KCNB2: variants seen among roughly 807,000 people sequenced by gnomAD.
KCNB2 encodes delayed rectifier potassium channel protein.
In KCNB2, 15 loss-of-function variants were observed where a neutral mutation model predicts 61.5. That is an observed-to-expected ratio of 0.24 (90% CI 0.16 to 0.38). The LOEUF is 0.38. Ranked by LOEUF, KCNB2 falls within the 10% of genes least tolerant of loss-of-function variation. The pLI, the probability that KCNB2 is intolerant of heterozygous loss-of-function variation, is 1.00. For synonymous variants in KCNB2, 457 were observed against 446.0 expected (o/e 1.02, Z -0.31); for missense variants, 828 against 1,125.2 (o/e 0.74, Z 3.78).
intron 2 of KCNB2, among the ~76,000 whole-genome samples, chr8:72,905,334 A>G (rs886745637): frequency 1.6e-4 from 25 of 152,186 alleles, no homozygotes; most frequent in African/African-American, 5.8e-4. Context: ...CCCAGTTCCC[A>G]GAATTCCACA....
chr8:72,558,218 T>C (rs1449818318), intron 1 of KCNB2, among the ~76,000 whole-genome samples: 2 of 152,236 alleles, frequency 1.3e-5, no homozygotes, highest in Non-Finnish European at 2.9e-5. Flanking sequence ...CTGTTGTTGC[T>C]TTTATTAGAA....
At chr8:72,930,208 A>C (rs987774488) in intron 2 of KCNB2, among the ~76,000 whole-genome samples, 1 of 151,736 alleles carries the variant, frequency 6.6e-6, no homozygotes, top group Non-Finnish European at 1.5e-5. Context: ...ATTGTTGGAC[A>C]TTTGGGTTGG....
intron 2 of KCNB2, among the ~76,000 whole-genome samples, chr8:72,716,918 T>G (rs551947066): frequency 5.3e-5 from 8 of 150,476 alleles, no homozygotes; most frequent in Admixed American, 4.7e-4. Flanking sequence ...AAAACCCCAT[T>G]GTCTCAGCCC....
chr8:72,831,687 C>T (rs1360319976), intron 2 of KCNB2, among the ~76,000 whole-genome samples: 1 of 152,136 alleles, frequency 6.6e-6, no homozygotes, highest in Non-Finnish European at 1.5e-5. Context: ...TTATGCTTTC[C>T]CAAGTTGTTG....
chr8:72,692,176 C>T (rs2128990193), intron 2 of KCNB2, among the ~76,000 whole-genome samples: 1 of 138,606 alleles, frequency 7.2e-6, no homozygotes, highest in African/African-American at 2.8e-5. Context: ...GCAGAGCTTG[C>T]AGTGAGCCGA....
rs1192277918 is a variant in KCNB2, at chr8:72,868,071, AT to A, written c.580-67861del. On this transcript the variant is annotated intron_variant, in intron 2 of 2. Coordinates refer to ENST00000523207, the MANE Select transcript of KCNB2 (RefSeq NM_004770.3). ...TTGATTTTGGGTTTTTTTTTTTATT[AT>A]TTATTTTTTTTTTTTTAGAGACAGG... Among the ~76,000 whole-genome samples, 807 of 141,712 alleles carry A rather than the reference AT, an allele frequency of 5.7e-3. 9 individuals carry two copies. Among genetic ancestry groups the A allele is most frequent in the African/African-American group, 0.021 (758 of 36,868 alleles). The allele number at this position is 141,712 out of a possible 152,430, so 93.0% of individuals were successfully genotyped here.
chr8:72,743,418 A>G (rs1171926182), intron 2 of KCNB2, among the ~76,000 whole-genome samples: 1 of 152,172 alleles, frequency 6.6e-6, no homozygotes. Flanking sequence ...GTGTGTTGCA[A>G]AAGACTGCGT....
intron 2 of KCNB2, among the ~76,000 whole-genome samples, chr8:72,804,113 TGG>T (rs1315576443): frequency 5.3e-5 from 8 of 152,078 alleles, no homozygotes; most frequent in Admixed American, 4.6e-4. Flanking sequence ...CCCAAGGCAG[TGG>T]GAAGCAATCA....
chr8:72,737,807 T>C (rs571860450), intron 2 of KCNB2, among the ~76,000 whole-genome samples: 1 of 152,290 alleles, frequency 6.6e-6, no homozygotes, highest in East Asian at 1.9e-4. Flanking sequence ...CAGTTCTTCA[T>C]GGTTACAGAG....
At chr8:72,828,410 G>A (rs981390340) in intron 2 of KCNB2, among the ~76,000 whole-genome samples, 1 of 152,038 alleles carries the variant, frequency 6.6e-6, no homozygotes, top group Admixed American at 6.5e-5. Flanking sequence ...TCATCATATG[G>A]CCCTAGCAGA....
intron 2 of KCNB2, among the ~76,000 whole-genome samples, chr8:72,579,733 G>A (rs536938807): frequency 1.3e-5 from 2 of 152,176 alleles, no homozygotes; most frequent in Admixed American, 6.5e-5. Flanking sequence ...GCTTTCACAA[G>A]GCTGTATTAG....
chr8:72,601,164 C>A (rs1805345516), intron 2 of KCNB2, among the ~76,000 whole-genome samples: 1 of 152,098 alleles, frequency 6.6e-6, no homozygotes, highest in Non-Finnish European at 1.5e-5. Flanking sequence ...TTAATATTCT[C>A]TTAATTAACC....
intron 2 of KCNB2, among the ~76,000 whole-genome samples, chr8:72,583,380 C>G (rs923993789): frequency 6.6e-6 from 1 of 152,012 alleles, no homozygotes; most frequent in Non-Finnish European, 1.5e-5. Context: ...AAAATTGTAT[C>G]CACTTGTTTA....
At chr8:72,646,813 G>C (rs542033959) in intron 2 of KCNB2, among the ~76,000 whole-genome samples, 1 of 152,264 alleles carries the variant, frequency 6.6e-6, no homozygotes, top group African/African-American at 2.4e-5. Context: ...AGTAGTGATG[G>C]TCACACAACA....
intron 2 of KCNB2, among the ~76,000 whole-genome samples, chr8:72,580,103 A>G (rs940540683): frequency 2.0e-5 from 3 of 152,170 alleles, no homozygotes; most frequent in African/African-American, 4.8e-5. Flanking sequence ...TTTCTGCTCC[A>G]TGGGCCATAA....
intron 2 of KCNB2, among the ~76,000 whole-genome samples, chr8:72,847,995 G>C (rs879868768): frequency 2.0e-5 from 3 of 152,138 alleles, no homozygotes; most frequent in Admixed American, 2.0e-4. Context: ...CCTCACAGTA[G>C]ATCACAAGCC....
chr8:72,628,331 T>C (rs183492768), intron 2 of KCNB2, among the ~76,000 whole-genome samples: 2 of 152,228 alleles, frequency 1.3e-5, no homozygotes, highest in Admixed American at 6.5e-5. Context: ...GGAATGTGTG[T>C]GTATGTGTGT....
chr8:72,746,034 G>C (rs1808058856), intron 2 of KCNB2, among the ~76,000 whole-genome samples: 1 of 152,192 alleles, frequency 6.6e-6, no homozygotes, highest in Admixed American at 6.5e-5. Context: ...TATCTGTTCT[G>C]TGTACTAGTC....
intron 2 of KCNB2, among the ~76,000 whole-genome samples, chr8:72,683,481 C>T (rs1440358): frequency 0.71 from 107,785 of 152,080 alleles, 39,115 homozygotes; most frequent in African/African-American, 0.85. Flanking sequence ...AGGAATGCCA[C>T]GAATTAGGCT....
Sources: allele counts gnomAD v4.1 joint callset (sites outside exome capture counted in the v4.1 genomes callset), GRCh38; gene constraint gnomAD v4.1.1; transcripts MANE v1.5; gene names NCBI Gene and HGNC (gene_info 2026-07-23, HGNC 2026-07-21).